Variants in DYRK1A observed in about 807,000 individuals in gnomAD.
DYRK1A encodes dual specificity tyrosine-phosphorylation-regulated kinase 1A.
In DYRK1A, 9 loss-of-function variants were observed where a neutral mutation model predicts 79.7. The observed-to-expected ratio is 0.11, with a 90% CI of 0.07 to 0.20. The LOEUF is 0.20. DYRK1A is among the 10% of genes least tolerant of loss of function. DYRK1A has a pLI of 1.00. For synonymous variants in DYRK1A, 349 were observed against 329.7 expected (o/e 1.06, Z -0.63); for missense variants, 622 against 956.0 (o/e 0.65, Z 4.61).
chr21:37,412,680 A>G (rs2050266065), intron 1 of DYRK1A, among the ~76,000 whole-genome samples: 1 of 152,176 alleles, frequency 6.6e-6, no homozygotes, highest in South Asian at 2.1e-4. Context: ...TCGAAAATGG[A>G]TAGGATTTAG....
At chr21:37,501,174 T>TTTTTGTTTTTTTTTTTG (rs2053436988) in intron 9 of DYRK1A, among the ~76,000 whole-genome samples, 1 of 142,320 alleles carries the variant, frequency 7.0e-6, no homozygotes, top group African/African-American at 2.7e-5. Context: ...TGGTTTTTTT[T>TTTTTGTTTTTTTTTTTG]TTTTTTTTTT....
Position 37,521,972 on chromosome 21 carries a change from C to T in DYRK1A, c.*9441C>T, listed in dbSNP as rs1198073608. The T allele has an allele frequency of 6.6e-6, 1 of 152,110 alleles. No individual in the cohort carries two copies. Among genetic ancestry groups the T allele is most frequent in the Non-Finnish European group, 1.5e-5 (1 of 68,076 alleles). The allele number at this position is 152,110 out of a possible 1,614,324, so 9.4% of individuals were successfully genotyped here. A position where few individuals can be genotyped will look rare whatever the true frequency, so the allele number is the denominator to read the frequency against. On this transcript the variant is annotated 3_prime_UTR_variant, in exon 12 of 12. Transcript: ENST00000647188. ...ATGGATGGAGGAGGGGAAAGTCGGG[C>T]CTGGGAATGGCCAATTTCTGGTCAT...
chr21:37,440,130 C>CTTTTTTTTTTTTTCTTTTT (rs2051051540), intron 2 of DYRK1A, among the ~76,000 whole-genome samples: 1 of 37,744 alleles, frequency 2.6e-5, no homozygotes, highest in Non-Finnish European at 5.2e-5. Flanking sequence ...TTGTTTGCTC[C>CTTTTTTTTTTTTTCTTTTT]TTTTTTTTTT....
At chr21:37,375,185 C>T (rs980182878) in intron 1 of DYRK1A, 7 of 151,330 alleles carry the variant, frequency 4.6e-5, no homozygotes, top group African/African-American at 1.7e-4. Context: ...TCCTTTTTGC[C>T]CTATAGAAAA....
chr21:37,408,194 T>C (rs545147032), intron 1 of DYRK1A, among the ~76,000 whole-genome samples: 32 of 152,368 alleles, frequency 2.1e-4, no homozygotes, highest in African/African-American at 7.7e-4. Context: ...TGTCAGAAAG[T>C]GTCACTGATT....
intron 2 of DYRK1A, among the ~76,000 whole-genome samples, chr21:37,445,703 A>G (rs948229710): frequency 6.6e-6 from 1 of 152,066 alleles, no homozygotes; most frequent in Admixed American, 6.5e-5. Flanking sequence ...ACAGTGTGAC[A>G]TTTTTTCCCC....
chr21:37,417,075 A>G (rs1430700799), intron 1 of DYRK1A, among the ~76,000 whole-genome samples: 1 of 152,174 alleles, frequency 6.6e-6, no homozygotes, highest in Non-Finnish European at 1.5e-5. Context: ...ACATTAGAGA[A>G]CATATTGCAC....
At chr21:37,414,005 G>T (rs2148417762) in intron 1 of DYRK1A, among the ~76,000 whole-genome samples, 1 of 152,228 alleles carries the variant, frequency 6.6e-6, no homozygotes, top group South Asian at 2.1e-4. Context: ...TTACGTCTTT[G>T]CAGTGGAGTA....
chr21:37,463,595 T>C (rs2051925277), intron 2 of DYRK1A, among the ~76,000 whole-genome samples: 1 of 152,220 alleles, frequency 6.6e-6, no homozygotes, highest in African/African-American at 2.4e-5. Flanking sequence ...AGTCTAAATA[T>C]TCCTGATGGA....
intron 1 of DYRK1A, among the ~76,000 whole-genome samples, chr21:37,406,572 A>G (rs748868154): frequency 1.8e-4 from 28 of 152,136 alleles, no homozygotes; most frequent in Middle Eastern, 6.8e-3. Context: ...GCACATGCCT[A>G]TAATCTGTAA....
rs1307367934 is a variant in DYRK1A, at chr21:37,513,412, A to T, written c.*881A>T. 6.6e-6 allele frequency: 1 copy of T among 152,658 alleles called. No homozygotes were observed. The highest frequency in any genetic ancestry group is 1.5e-5 in the Non-Finnish European group (1 of 68,050). 9.5% of individuals were successfully genotyped at this position (152,658 alleles called of 1,614,324 possible). On this transcript the variant is annotated 3_prime_UTR_variant, in exon 12 of 12. Transcript: ENST00000647188. ...TAGAAGAGCCTACCATTTCAGATGC[A>T]ATCACTTTTGGACATGCTTTTGCAG... is the stretch of plus-strand genomic sequence containing the variant.
At chr21:37,490,540 G>A (rs2053052395) in intron 7 of DYRK1A, 79 bp downstream of exon 7, 13 of 1,204,000 alleles carry the variant, frequency 1.1e-5, no homozygotes, top group South Asian at 3.1e-5. Context: ...TTAGGTTGGC[G>A]CAAAAGTAAT....
At chr21:37,482,937 T>C (rs58128697) in intron 5 of DYRK1A, among the ~76,000 whole-genome samples, 12,572 of 152,246 alleles carry the variant, frequency 0.083, 1,754 homozygotes, top group African/African-American at 0.28. Flanking sequence ...TTATCTCTCT[T>C]GTTCCCTGAA....
chr21:37,458,968 C>T (rs1203611336), intron 2 of DYRK1A, among the ~76,000 whole-genome samples: 2 of 152,132 alleles, frequency 1.3e-5, no homozygotes, highest in Non-Finnish European at 2.9e-5. Context: ...ATGTGCTTGC[C>T]GTGTGACATT....
chr21:37,368,393 A>G (rs1310590128), intron 1 of DYRK1A, among the ~76,000 whole-genome samples: 1 of 152,218 alleles, frequency 6.6e-6, no homozygotes, highest in Non-Finnish European at 1.5e-5. Flanking sequence ...TGAGTAGCTC[A>G]GTACTTGGCG....
chr21:37,417,067 A>G (rs978310404), intron 1 of DYRK1A, among the ~76,000 whole-genome samples: 8 of 152,186 alleles, frequency 5.3e-5, no homozygotes, highest in African/African-American at 1.9e-4. Context: ...ACACTGTCAC[A>G]TTAGAGAACA....
chr21:37,390,712 G>A (rs2049854069), intron 1 of DYRK1A, among the ~76,000 whole-genome samples: 1 of 152,174 alleles, frequency 6.6e-6, no homozygotes, highest in Non-Finnish European at 1.5e-5. Context: ...GGGATTATAG[G>A]TGCCTGTCAC....
Position 37,478,305 on chromosome 21 carries a change from G to A in DYRK1A, c.300+5G>A, listed in dbSNP as rs753511347. 34 of 1,611,710 alleles carry A rather than the reference G, an allele frequency of 2.1e-5. No individual in the cohort carries two copies. The highest frequency in any genetic ancestry group is 2.7e-5 in the African/African-American group (2 of 74,788). On this transcript the variant is annotated splice_donor_5th_base_variant and intron_variant, in intron 4 of 11. Transcript: ENST00000647188. ...ACATACAAGCATATTAATGAGGTAA[G>A]ACTTGATTTGTTATAATAACATCTA...
At chr21:37,496,327 C>T (rs751825406) in intron 9 of DYRK1A, 69 bp downstream of exon 9, 60 of 1,455,108 alleles carry the variant, frequency 4.1e-5, no homozygotes, top group Non-Finnish European at 5.1e-5. Flanking sequence ...TTTTATAGCT[C>T]ATTTTGCATT....
Sources: gnomAD v4.1 joint callset for allele counts (sites outside exome capture counted in the v4.1 genomes callset) on GRCh38, gnomAD v4.1.1 for gene constraint, MANE v1.5 for transcripts, NCBI Gene and HGNC (gene_info 2026-07-23, HGNC 2026-07-21) for gene names.